EXOC7: variants seen among roughly 807,000 people sequenced by gnomAD.
The protein encoded by EXOC7 is exocyst complex component 7.
EXOC7 carries 51 observed loss-of-function variants against 87.6 expected under a neutral mutation model. The observed-to-expected ratio is 0.58, with a 90% CI of 0.46 to 0.73. EXOC7 has a LOEUF of 0.73. Ranked by LOEUF, EXOC7 falls within the 30% of genes least tolerant of loss-of-function variation. The pLI, the probability that EXOC7 is intolerant of heterozygous loss-of-function variation, is 0.00. For synonymous variants in EXOC7, 327 were observed against 357.1 expected (o/e 0.92, Z 0.95); for missense variants, 744 against 888.4 (o/e 0.84, Z 2.07).
intron 6 of EXOC7, chr17:76,093,211 GCA>G (rs1208209539): frequency 1.3e-5 from 2 of 152,510 alleles, no homozygotes; most frequent in African/African-American, 4.8e-5. Flanking sequence ...CACACAGAAG[GCA>G]CAGAGCTGCT....
chr17:76,100,797 A>G (rs1466170184), intron 4 of EXOC7, among the ~76,000 whole-genome samples: 1 of 152,146 alleles, frequency 6.6e-6, no homozygotes, highest in African/African-American at 2.4e-5. Flanking sequence ...TCTGGCCAAC[A>G]TGGCGAAACC....
Position 76,088,869 on chromosome 17 carries a change from TC to T in EXOC7, c.1101del (p.Lys368ArgfsTer127). ...LEGENIVSAA[R>X]KAIVRHDFST... is the part of the protein sequence containing the mutation. ...GAGAAGTCGTGTCGCACAATGGCCT[TC>T]CGGGCAGCAGACACGATGTTCTCCC... On this transcript the variant is annotated frameshift_variant, in exon 9 of 19. Transcript: ENST00000589210. LOFTEE classifies it high-confidence loss of function. 6.2e-7 allele frequency: 1 copy of T among 1,613,612 alleles called. No individual in the cohort carries two copies. Among genetic ancestry groups the T allele is most frequent in the East Asian group, 2.2e-5 (1 of 44,846 alleles).
chr17:76,087,021 C>T, intron 12 of EXOC7: 1 of 723,878 alleles, frequency 1.4e-6, no homozygotes, highest in South Asian at 1.6e-5. Context: ...CTCCCCACGA[C>T]AGCCAAAACA....
rs183920911 is a variant in EXOC7, at chr17:76,087,442, G to A, written c.1429+212C>T. Reference sequence around the variant, plus strand: ...TTCCAGGGCGAGGACGGTCAAAGGGGCTGAGGGAGGGGCCAGAGGTCCAGT... The same window carrying A: ...TTCCAGGGCGAGGACGGTCAAAGGGACTGAGGGAGGGGCCAGAGGTCCAGT... On this transcript the variant is annotated intron_variant, in intron 12 of 18. Transcript: ENST00000589210. 6.8e-6 allele frequency: 4 copies of A among 589,094 alleles called. No homozygotes were observed. The Admixed American group carries it at 9.0e-5, about 13-fold the overall frequency. The allele number at this position is 589,094 out of a possible 1,614,324, so 36.5% of individuals were successfully genotyped here.
At chr17:76,090,865 T>A (rs752779079) in intron 7 of EXOC7, 3 of 533,748 alleles carry the variant, frequency 5.6e-6, no homozygotes, top group South Asian at 4.7e-5. Flanking sequence ...GACAAATAAC[T>A]TTTTCTGAGT....
chr17:76,082,589 C>G lies in EXOC7; in HGVS notation c.*1059G>C, dbSNP rs544761799. 7.9e-5 allele frequency: 128 copies of G among 1,613,662 alleles called. No individual in the cohort carries two copies. In the South Asian group the frequency reaches 1.3e-3, roughly 17 times the overall value. ...GTCTTTGCAGGAATCTGGATGTGGG[C>G]AGCGTGCAAGTCTGACGCAGCCCCT... On this transcript the variant is annotated 3_prime_UTR_variant, in exon 19 of 19. Coordinates refer to ENST00000589210, the MANE Select transcript of EXOC7 (RefSeq NM_001013839.4).
At chr17:76,089,393 C>T (rs2067372456) in intron 7 of EXOC7, 73 bp from the exon 8 acceptor site, 1 of 1,580,126 alleles carries the variant, frequency 6.3e-7, no homozygotes, top group Admixed American at 1.7e-5. Flanking sequence ...GGCGTGGGTC[C>T]CCCAGCTCCT....
At position 76,101,682 on chromosome 17, in the gene EXOC7, T is replaced by C. The variant is rs1426566056; in HGVS notation, c.308A>G (p.Glu103Gly). The C allele has an allele frequency of 1.9e-6, 3 of 1,611,892 alleles. No individual in the cohort carries two copies. ...VASDTEKIIR[E>G]GPTGRLEEYL... ...CCTCTGGGCCTCACTCACTCACCCC[T>C]CTCTGATGATCTTCTCAGTGTCACT... Residue 103 changes from glutamate to glycine, a missense_variant, in exon 3 of 19, where the codon GAG (glutamate) becomes GGG (glycine). This residue lies in a region of EXOC7 where 512 missense variants were observed against 573.0 expected (regional missense o/e 0.89). Coordinates refer to ENST00000589210, the MANE Select transcript of EXOC7 (RefSeq NM_001013839.4).
intron 1 of EXOC7, 92 bp from the exon 2 acceptor site, chr17:76,103,518 C>T: frequency 6.4e-7 from 1 of 1,554,446 alleles, no homozygotes. Flanking sequence ...CCAACCCCAT[C>T]TCCTCGCTGG....
chr17:76,090,411 G>A (rs1396096918), intron 7 of EXOC7: 16 of 1,551,726 alleles, frequency 1.0e-5, no homozygotes, highest in Admixed American at 2.0e-5. Context: ...GCGAGATGTC[G>A]GCCGCACAAA....
In EXOC7 at chr17:76,082,622, C is replaced by G; in HGVS notation, c.*1026G>C. 12 of 1,612,960 alleles carry G rather than the reference C, an allele frequency of 7.4e-6. No homozygotes were observed. The highest frequency in any genetic ancestry group is 1.0e-5 in the Non-Finnish European group (12 of 1,179,696). ...AAGTCTGACGCAGCCCCTGGAGAGG[C>G]TGCACCCCATGGCAGGCGGCCTAGA... On this transcript the variant is annotated 3_prime_UTR_variant, in exon 19 of 19. Transcript: ENST00000589210.
chr17:76,082,715 G>A lies in EXOC7; in HGVS notation c.*933C>T, dbSNP rs965649093. 1.3e-6 allele frequency: 2 copies of A among 1,492,036 alleles called. No individual in the cohort carries two copies. The highest frequency in any genetic ancestry group is 1.4e-5 in the African/African-American group (1 of 71,730). 92.4% of individuals were successfully genotyped at this position (1,492,036 alleles called of 1,614,324 possible). The stretch of plus-strand genomic sequence containing the variant: ...TTTGCTTTCCCATGGCTGGGGGCGG[G>A]CCATGACAGGGCCTCTGGATTAAGC... On this transcript the variant is annotated 3_prime_UTR_variant, in exon 19 of 19. Coordinates refer to ENST00000589210, the MANE Select transcript of EXOC7 (RefSeq NM_001013839.4).
intron 18 of EXOC7, 96 bp from the exon 19 acceptor site, chr17:76,083,846 C>A: frequency 6.6e-7 from 1 of 1,505,252 alleles, no homozygotes; most frequent in Non-Finnish European, 9.1e-7. Context: ...GAAGGGGTGG[C>A]CCTGAGCGAT....
chr17:76,088,147 C>T (rs758819908), intron 10 of EXOC7, 25 bp from the exon 11 acceptor site: 2 of 1,611,760 alleles, frequency 1.2e-6, no homozygotes, highest in African/African-American at 1.3e-5. Context: ...CCTCTGGTTC[C>T]CTGAAGCAGC....
chr17:76,086,241 A>G, intron 12 of EXOC7, 96 bp from the exon 13 acceptor site: 1 of 1,230,602 alleles, frequency 8.1e-7, no homozygotes, highest in Non-Finnish European at 1.2e-6. Flanking sequence ...GGACACTGAG[A>G]CAGGCCCTGG....
At chr17:76,100,726 C>G (rs2068018089) in intron 4 of EXOC7, among the ~76,000 whole-genome samples, 1 of 152,134 alleles carries the variant, frequency 6.6e-6, no homozygotes, top group Non-Finnish European at 1.5e-5. Context: ...GGTGCAATGG[C>G]TCACGCCTGT....
At position 76,089,964 on chromosome 17, in the gene EXOC7, C is replaced by T. The variant is rs1406430838; in HGVS notation, c.902-644G>A. On this transcript the variant is annotated intron_variant, in intron 7 of 18. Coordinates refer to ENST00000589210, the MANE Select transcript of EXOC7 (RefSeq NM_001013839.4). ...CGGGGGCGCCTGCAGGCAAAACCGG[C>T]GGCAGAACTGCCTGGTCCTATGTGC... Among the ~76,000 whole-genome samples the T allele has an allele frequency of 3.9e-5, 6 of 152,234 alleles. 1 individual carries two copies. In the East Asian group the frequency reaches 5.8e-4, roughly 15 times the overall value.
Position 76,091,187 on chromosome 17 carries a change from C to A in EXOC7, c.857G>T (p.Gly286Val). 2 of 1,614,168 alleles carry A rather than the reference C, an allele frequency of 1.2e-6. No individual in the cohort carries two copies. The highest frequency in any genetic ancestry group is 1.7e-6 in the Non-Finnish European group (2 of 1,180,006). The stretch of plus-strand genomic sequence containing the variant: ...AGAGCCCCCCTTTTTCCCATCTAGA[C>A]CATGCTGGGAATACTGTTTCAGAAG... ...QNLLKQYSQHGLDGKKGGSNL... is the reference protein window; with the variant it reads ...QNLLKQYSQHVLDGKKGGSNL... The change falls in exon 7 of 19, where the codon GGT (glycine) becomes GTT (valine). Residue 286 changes from glycine (G) to valine (V), a missense_variant. Transcript: ENST00000589210.
Position 76,081,398 on chromosome 17 carries a change from T to C in EXOC7, c.*2250A>G, listed in dbSNP as rs778314165. The C allele has an allele frequency of 1.2e-6, 2 of 1,614,054 alleles. No homozygotes were observed. Among genetic ancestry groups the C allele is most frequent in the Non-Finnish European group, 1.7e-6 (2 of 1,180,020 alleles). ...CAGCAGCTGGTGCCCTGCTTCCAGG[T>C]GACGGTGAGTCAAGTCGGGAGGAGG... On this transcript the variant is annotated 3_prime_UTR_variant, in exon 19 of 19. Coordinates refer to ENST00000589210, the MANE Select transcript of EXOC7 (RefSeq NM_001013839.4).
Sources: allele counts gnomAD v4.1 joint callset (sites outside exome capture counted in the v4.1 genomes callset), GRCh38; gene constraint gnomAD v4.1.1; regional missense constraint gnomAD v4.1.1; transcripts MANE v1.5; gene names NCBI Gene and HGNC (gene_info 2026-07-23, HGNC 2026-07-21).